The following TUBGCP4 variants were observed in gnomAD, a reference collection of about 807,000 sequenced individuals.
TUBGCP4 encodes gamma-tubulin complex component 4.
In TUBGCP4, 54 loss-of-function variants were observed where a neutral mutation model predicts 91.6. The ratio of observed to expected loss-of-function variants is 0.59; its 90% CI spans 0.47 to 0.74. The LOEUF (loss-of-function observed/expected upper bound fraction) is 0.74, where lower values mean the gene tolerates loss of function less well. Ranked by LOEUF, TUBGCP4 falls within the 30% of genes least tolerant of loss-of-function variation. The pLI, the probability that TUBGCP4 is intolerant of heterozygous loss-of-function variation, is 0.00. For synonymous variants in TUBGCP4, 297 were observed against 302.8 expected (o/e 0.98, Z 0.20); for missense variants, 593 against 800.9 (o/e 0.74, Z 3.13).
In TUBGCP4 at chr15:43,380,125, C is replaced by A. The variant is rs1254771304; in HGVS notation, c.483C>A (p.Ser161Arg). Reference protein sequence around the residue: ...CQILETVYKHSCGGLPPVRSA... With the variant: ...CQILETVYKHRCGGLPPVRSA... ...TCCTGGAAACAGTCTACAAACACAG[C>A]TGTGGGGGGTTGCCTCCTGTTCGAA... The change falls in exon 6 of 18, where the codon AGC (serine) becomes AGA (arginine). Residue 161 changes from serine to arginine, a missense_variant. Coordinates refer to ENST00000564079, the MANE Select transcript of TUBGCP4 (RefSeq NM_014444.5). 1 of 1,613,982 alleles carries A rather than the reference C, an allele frequency of 6.2e-7. No individual in the cohort carries two copies. The highest frequency in any genetic ancestry group is 8.5e-7 in the Non-Finnish European group (1 of 1,179,960).
At chr15:43,395,371 A>G in intron 10 of TUBGCP4, 1 of 658,810 alleles carries the variant, frequency 1.5e-6, no homozygotes, top group South Asian at 1.9e-5. Context: ...ATATATAATT[A>G]TGTTGCTATT....
At chr15:43,383,823 A>G (rs909236692) in intron 7 of TUBGCP4, among the ~76,000 whole-genome samples, 2 of 151,722 alleles carry the variant, frequency 1.3e-5, no homozygotes, top group African/African-American at 4.8e-5. Flanking sequence ...TTTTTTAAAG[A>G]CAGATTCTCA....
chr15:43,385,980 A>C, intron 8 of TUBGCP4, 24 bp downstream of exon 8: 1 of 1,611,932 alleles, frequency 6.2e-7, no homozygotes, highest in Non-Finnish European at 8.5e-7. Context: ...TGTCCAATGT[A>C]CCACACCCTC....
rs576720957 is a variant in TUBGCP4, at chr15:43,398,648, C to T, written c.1418+469C>T. Among the ~76,000 whole-genome samples, 6 of 152,228 alleles carry T rather than the reference C, an allele frequency of 3.9e-5. No individual in the cohort carries two copies. The South Asian group carries it at 1.2e-3, about 32-fold the overall frequency. ...GAAAATAAGGTCTTAGGCACCATGT[C>T]GAGATAATGGCCCTTGATGATTCCA... On this transcript the variant is annotated intron_variant, in intron 13 of 17. Transcript: ENST00000564079.
chr15:43,401,760 C>T lies in TUBGCP4; in HGVS notation c.1641C>T (p.Ile547=). The part of the protein sequence containing the change: ...ESQFSQLLHQ[I]NSTRDFESIR... ...AGTTCTCCCAGCTGCTTCATCAGATCAATTCTACCCGAGACTTTGAAAGCA... is the reference window on the plus strand; with the variant it reads ...AGTTCTCCCAGCTGCTTCATCAGATTAATTCTACCCGAGACTTTGAAAGCA... Residue 547 remains isoleucine (I), a synonymous_variant, in exon 15 of 18, where the codon ATC becomes ATT. Transcript: ENST00000564079. 1 of 1,614,130 alleles carries T rather than the reference C, an allele frequency of 6.2e-7. No individual in the cohort carries two copies. Among genetic ancestry groups the T allele is most frequent in the South Asian group, 1.1e-5 (1 of 91,076 alleles).
intron 6 of TUBGCP4, among the ~76,000 whole-genome samples, chr15:43,381,831 T>C (rs1208995872): frequency 6.6e-6 from 1 of 152,200 alleles, no homozygotes; most frequent in African/African-American, 2.4e-5. Flanking sequence ...TCTCCTTCTA[T>C]ACGTATATGT....
In TUBGCP4 at chr15:43,401,715, G is replaced by A; in HGVS notation, c.1597-1G>A. On this transcript the variant is annotated splice_acceptor_variant, in intron 14 of 17. Transcript: ENST00000564079. LOFTEE classifies it high-confidence loss of function. Reference sequence around the variant, plus strand: ...CTAAAATTTTTTGTAATGTCTATCAGGTAGATGTGTTGGAGTCTCAGTTCT... The same window carrying A: ...CTAAAATTTTTTGTAATGTCTATCAAGTAGATGTGTTGGAGTCTCAGTTCT... 1 of 1,614,026 alleles carries A rather than the reference G, an allele frequency of 6.2e-7. No homozygotes were observed. The highest frequency in any genetic ancestry group is 8.5e-7 in the Non-Finnish European group (1 of 1,179,954).
intron 9 of TUBGCP4, among the ~76,000 whole-genome samples, chr15:43,388,549 C>G (rs912537150): frequency 6.6e-6 from 1 of 152,130 alleles, no homozygotes; most frequent in Non-Finnish European, 1.5e-5. Flanking sequence ...GGTATCAGTT[C>G]CTTTCATTTT....
At chr15:43,401,991 G>C in intron 15 of TUBGCP4, 141 bp downstream of exon 15, 25 of 1,123,396 alleles carry the variant, frequency 2.2e-5, no homozygotes, top group Non-Finnish European at 3.1e-5. Context: ...TGTGTAAAGC[G>C]GCGGGGCATG....
chr15:43,395,419 A>T (rs942103210), intron 10 of TUBGCP4, 164 bp from the exon 11 acceptor site: 1 of 692,848 alleles, frequency 1.4e-6, no homozygotes, highest in Non-Finnish European at 2.6e-6. Context: ...TCATCCTGCT[A>T]TGCGGAACTA....
At chr15:43,380,259 C>T (rs1335212957) in intron 6 of TUBGCP4, 96 bp downstream of exon 6, 2 of 1,155,956 alleles carry the variant, frequency 1.7e-6, no homozygotes, top group Admixed American at 2.0e-5. Context: ...TCAGGTTTCC[C>T]TCTTGGGAAG....
intron 1 of TUBGCP4, among the ~76,000 whole-genome samples, chr15:43,372,415 T>G (rs2044137955): frequency 6.6e-6 from 1 of 152,328 alleles, no homozygotes; most frequent in Admixed American, 6.5e-5. Flanking sequence ...TTTAGGTGAA[T>G]TTTTGAAAAA....
Position 43,407,928 on chromosome 15 carries a change from C to A in TUBGCP4, c.*2714C>A. Reference sequence around the variant, plus strand: ...ATCCCTGGAACAAAGACACTACACACACTCTTTCAGGTACCTTTGTTATGG... The same window carrying A: ...ATCCCTGGAACAAAGACACTACACAAACTCTTTCAGGTACCTTTGTTATGG... On this transcript the variant is annotated 3_prime_UTR_variant, in exon 18 of 18. Coordinates refer to ENST00000564079, the MANE Select transcript of TUBGCP4 (RefSeq NM_014444.5). The A allele has an allele frequency of 1.2e-6, 2 of 1,607,370 alleles. No homozygotes were observed. Among genetic ancestry groups the A allele is most frequent in the Non-Finnish European group, 1.7e-6 (2 of 1,178,762 alleles).
chr15:43,377,101 C>A (rs769107077), intron 4 of TUBGCP4, 34 bp downstream of exon 4: 1 of 1,550,986 alleles, frequency 6.4e-7, no homozygotes, highest in East Asian at 2.2e-5. Context: ...GCCTTGCAAT[C>A]TGTTGATAGT....
In TUBGCP4 at chr15:43,398,850, T is replaced by TC. The variant is rs2044623810; in HGVS notation, c.1418+676dup. On this transcript the variant is annotated intron_variant, in intron 13 of 17. Coordinates refer to ENST00000564079, the MANE Select transcript of TUBGCP4 (RefSeq NM_014444.5). Reference sequence around the variant, plus strand: ...ACATTATACTACTTTTATCTGTCCCTCCCCCACTTTTTTGCTAGAGCTGTA... The same window carrying TC: ...ACATTATACTACTTTTATCTGTCCCTCCCCCCACTTTTTTGCTAGAGCTGTA... Among the ~76,000 whole-genome samples the TC allele has an allele frequency of 2.0e-5, 3 of 152,222 alleles. No individual in the cohort carries two copies. In the South Asian group the frequency reaches 6.2e-4, roughly 32 times the overall value.
chr15:43,407,203 A>C lies in TUBGCP4; in HGVS notation c.*1989A>C, dbSNP rs1334457712. 3.4e-6 allele frequency: 2 copies of C among 594,396 alleles called. No individual in the cohort carries two copies. Among genetic ancestry groups the C allele is most frequent in the African/African-American group, 1.9e-5 (1 of 53,888 alleles). 36.8% of individuals were successfully genotyped at this position (594,396 alleles called of 1,614,324 possible). ...AGATTAAGCTCAAAAAAACAGATGA[A>C]GAAATCCCAGTTACTACAACCAAAG... On this transcript the variant is annotated 3_prime_UTR_variant, in exon 18 of 18. Coordinates refer to ENST00000564079, the MANE Select transcript of TUBGCP4 (RefSeq NM_014444.5).
Position 43,385,868 on chromosome 15 carries a change from C to T in TUBGCP4, c.801C>T (p.Tyr267=). ...TACGAGTGGAGATTTTGCCATCCTACATTCCAGTGAGGGTTGCTGAAAAAA... is the reference window on the plus strand; with the variant it reads ...TACGAGTGGAGATTTTGCCATCCTATATTCCAGTGAGGGTTGCTGAAAAAA... ...FSLRVEILPS[Y]IPVRVAEKIL... is the part of the protein sequence containing the mutation. The change falls in exon 8 of 18, where the codon TAC becomes TAT. Residue 267 remains tyrosine (Y), a synonymous_variant. Transcript: ENST00000564079. 6.2e-7 allele frequency: 1 copy of T among 1,614,146 alleles called. No homozygotes were observed. The highest frequency in any genetic ancestry group is 8.5e-7 in the Non-Finnish European group (1 of 1,180,020).
At chr15:43,381,911 G>C (rs903046577) in intron 6 of TUBGCP4, among the ~76,000 whole-genome samples, 6 of 152,064 alleles carry the variant, frequency 3.9e-5, no homozygotes, top group Non-Finnish European at 8.8e-5. Context: ...AAATACTTCA[G>C]CTTGTATCAC....
intron 1 of TUBGCP4, among the ~76,000 whole-genome samples, chr15:43,371,784 T>C (rs998280678): frequency 2.6e-5 from 4 of 152,208 alleles, no homozygotes; most frequent in African/African-American, 9.7e-5. Context: ...TTTGAAGTAC[T>C]GGGCCAAATA....
Sources: gnomAD v4.1 joint callset for allele counts (sites outside exome capture counted in the v4.1 genomes callset) on GRCh38, gnomAD v4.1.1 for gene constraint, MANE v1.5 for transcripts, NCBI Gene and HGNC (gene_info 2026-07-23, HGNC 2026-07-21) for gene names.